Variants in SND1 observed in about 807,000 individuals in gnomAD.
The protein encoded by SND1 is staphylococcal nuclease and tudor domain containing 1, also known as staphylococcal nuclease domain-containing protein 1.
A neutral mutation model predicts 121.7 loss-of-function variants in SND1; 38 were observed. The observed-to-expected ratio is 0.31, with a 90% CI of 0.24 to 0.41. The LOEUF (loss-of-function observed/expected upper bound fraction) is 0.41, where lower values mean the gene tolerates loss of function less well. Among genes scored for constraint, SND1 ranks in the 10% least tolerant of loss-of-function variants. SND1 has a pLI of 1.00. For missense variants in SND1, 868 were observed against 1,184.6 expected (o/e 0.73, Z 3.92); for synonymous variants, 401 against 447.4 (o/e 0.90, Z 1.31).
chr7:127,837,020 T>C (rs1798879849), intron 11 of SND1, among the ~76,000 whole-genome samples: 1 of 152,258 alleles, frequency 6.6e-6, no homozygotes, highest in South Asian at 2.1e-4. Context: ...CTTTGTAATC[T>C]AGTCAGATAA....
At chr7:127,908,646 G>C (rs112625618) in intron 14 of SND1, among the ~76,000 whole-genome samples, 177 of 152,202 alleles carry the variant, frequency 1.2e-3, no homozygotes, top group African/African-American at 3.7e-3. Flanking sequence ...TTGAAGGATG[G>C]TTCTGTGGTG....
At chr7:128,065,122 C>T (rs3808055) in intron 16 of SND1, among the ~76,000 whole-genome samples, 75,649 of 151,984 alleles carry the variant, frequency 0.5, 20,797 homozygotes, top group African/African-American at 0.73. Flanking sequence ...AGTTAGATGC[C>T]GGTGAAAAAG....
At chr7:128,031,216 G>GCGC (rs1792588533) in intron 16 of SND1, 2 of 152,282 alleles carry the variant, frequency 1.3e-5, no homozygotes, top group Admixed American at 1.3e-4. Context: ...GGCGCCACCA[G>GCGC]CGCTTCCCGG....
At chr7:127,737,997 G>A (rs1268473395) in intron 10 of SND1, among the ~76,000 whole-genome samples, 4 of 152,260 alleles carry the variant, frequency 2.6e-5, no homozygotes, top group Admixed American at 6.5e-5. Context: ...CTGGTTTGAT[G>A]CCTGGAAAGC....
At chr7:127,895,805 A>G (rs559333345) in intron 13 of SND1, among the ~76,000 whole-genome samples, 106 of 152,228 alleles carry the variant, frequency 7.0e-4, no homozygotes, top group African/African-American at 2.6e-3. Context: ...GGAGAGCTGT[A>G]TGATGTCTCC....
chr7:127,854,495 G>C (rs937789192), intron 12 of SND1, among the ~76,000 whole-genome samples: 1 of 151,888 alleles, frequency 6.6e-6, no homozygotes, highest in African/African-American at 2.4e-5. Flanking sequence ...ATGGTGTTTG[G>C]ACATAAGTTC....
At chr7:127,852,748 T>C (rs1390668020) in intron 12 of SND1, among the ~76,000 whole-genome samples, 1 of 151,818 alleles carries the variant, frequency 6.6e-6, no homozygotes, top group Admixed American at 6.6e-5. Context: ...GAGGCGGAGG[T>C]TGCAGTGAGC....
At chr7:127,766,498 G>A (rs762042363) in intron 10 of SND1, among the ~76,000 whole-genome samples, 12 of 152,152 alleles carry the variant, frequency 7.9e-5, no homozygotes, top group South Asian at 6.2e-4. Flanking sequence ...ATCTTAGGCC[G>A]GGCGCGATGG....
chr7:127,718,798 C>A, intron 9 of SND1: 1 of 922,412 alleles, frequency 1.1e-6, no homozygotes, highest in Non-Finnish European at 1.3e-6. Flanking sequence ...TTATTACTCT[C>A]TAAGCATGAC....
At chr7:127,698,826 T>C in intron 3 of SND1, 49 bp from the exon 4 acceptor site, 1 of 1,509,868 alleles carries the variant, frequency 6.6e-7, no homozygotes, top group Non-Finnish European at 9.2e-7. Flanking sequence ...CTGTTGCTGT[T>C]GGAGGCAGGT....
At chr7:128,077,421 G>A (rs891114763) in intron 17 of SND1, among the ~76,000 whole-genome samples, 11 of 152,200 alleles carry the variant, frequency 7.2e-5, no homozygotes, top group Admixed American at 3.3e-4. Flanking sequence ...CAGGGTGGCC[G>A]CAGCAACAGA....
At chr7:128,020,770 T>C (rs1428270449) in intron 16 of SND1, among the ~76,000 whole-genome samples, 1 of 152,142 alleles carries the variant, frequency 6.6e-6, no homozygotes, top group Admixed American at 6.5e-5. Context: ...GCGGGCACAA[T>C]GGATGAAACA....
At chr7:127,817,470 C>A (rs754202543) in intron 11 of SND1, among the ~76,000 whole-genome samples, 1 of 152,102 alleles carries the variant, frequency 6.6e-6, no homozygotes, top group Non-Finnish European at 1.5e-5. Flanking sequence ...TTTCAAAATG[C>A]GTAGACCTGA....
intron 16 of SND1, among the ~76,000 whole-genome samples, chr7:128,054,842 G>A (rs1793108977): frequency 6.6e-6 from 1 of 152,162 alleles, no homozygotes; most frequent in Admixed American, 6.5e-5. Flanking sequence ...TAATTCTGAG[G>A]CCGAAGTCAA....
intron 1 of SND1, among the ~76,000 whole-genome samples, chr7:127,676,566 A>G (rs1000689918): frequency 2.6e-5 from 4 of 152,194 alleles, no homozygotes; most frequent in African/African-American, 9.7e-5. Context: ...AACTTAAGAG[A>G]TGATACTTAC....
intron 16 of SND1, among the ~76,000 whole-genome samples, chr7:128,011,204 A>G (rs1803109545): frequency 6.6e-6 from 1 of 152,062 alleles, no homozygotes; most frequent in Non-Finnish European, 1.5e-5. Context: ...CCACAGAGAC[A>G]GTGTGTACAG....
At chr7:128,074,796 T>G (rs1793478936) in intron 17 of SND1, 106 bp downstream of exon 17, 1 of 1,149,314 alleles carries the variant, frequency 8.7e-7, no homozygotes, top group African/African-American at 1.5e-5. Flanking sequence ...CCCCACAGAG[T>G]AGCCCAGGAA....
At chr7:127,887,672 A>G (rs1799937922) in intron 12 of SND1, among the ~76,000 whole-genome samples, 1 of 148,506 alleles carries the variant, frequency 6.7e-6, no homozygotes. Context: ...TAATATTTGG[A>G]TTGATATAGC....
intron 15 of SND1, among the ~76,000 whole-genome samples, chr7:127,953,154 G>GTGTT (rs1801502590): frequency 7.7e-4 from 1 of 1,292 alleles, no homozygotes; most frequent in African/African-American, 4.0e-3. Context: ...ACAAGACCGT[G>GTGTT]TGTGTGTGTG....
Sources: allele counts gnomAD v4.1 joint callset (sites outside exome capture counted in the v4.1 genomes callset), GRCh38; gene constraint gnomAD v4.1.1; transcripts MANE v1.5; gene names NCBI Gene and HGNC (gene_info 2026-07-23, HGNC 2026-07-21).